ACVR1C: variants seen among roughly 807,000 people sequenced by gnomAD.
ACVR1C encodes the protein activin receptor type-1C.
ACVR1C carries 23 observed loss-of-function variants against 57.9 expected under a neutral mutation model. The observed-to-expected ratio is 0.40, with a 90% CI of 0.29 to 0.56. The LOEUF (loss-of-function observed/expected upper bound fraction) is 0.56. ACVR1C is among the 20% of genes least tolerant of loss of function. The pLI is 0.50. For missense variants in ACVR1C, 480 were observed against 607.9 expected (o/e 0.79, Z 2.21); for synonymous variants, 214 against 215.3 (o/e 0.99, Z 0.05).
At chr2:157,537,570 G>A (rs916775022) in intron 8 of ACVR1C, among the ~76,000 whole-genome samples, 1 of 151,882 alleles carries the variant, frequency 6.6e-6, no homozygotes, top group African/African-American at 2.4e-5. Context: ...GAAAAGGGTT[G>A]AGAAACATGA....
intron 2 of ACVR1C, among the ~76,000 whole-genome samples, chr2:157,566,753 T>C (rs1313882240): frequency 6.6e-6 from 1 of 151,158 alleles, no homozygotes; most frequent in Non-Finnish European, 1.5e-5. Context: ...CAGTCTGAGA[T>C]CAAACTGCAA....
At chr2:157,542,661 G>A in intron 6 of ACVR1C, 45 bp downstream of exon 6, 1 of 1,579,878 alleles carries the variant, frequency 6.3e-7, no homozygotes, top group Non-Finnish European at 8.6e-7. Flanking sequence ...CATGCTTATT[G>A]GGCACTCTCA....
intron 2 of ACVR1C, among the ~76,000 whole-genome samples, chr2:157,574,859 A>G (rs1573930189): frequency 6.6e-6 from 1 of 152,142 alleles, no homozygotes. Context: ...CTACAGTGAA[A>G]CCATCATCCT....
chr2:157,609,109 A>G (rs531561300), intron 1 of ACVR1C, among the ~76,000 whole-genome samples: 162 of 151,878 alleles, frequency 1.1e-3, no homozygotes, highest in Middle Eastern at 0.01. Context: ...ATTTATCTCT[A>G]TAAACTTCTC....
At chr2:157,542,994 A>T in intron 5 of ACVR1C, 132 bp from the exon 6 acceptor site, 2 of 847,486 alleles carry the variant, frequency 2.4e-6, no homozygotes, top group Non-Finnish European at 3.6e-6. Flanking sequence ...CACTATCTAA[A>T]TTATCTTGTT....
At chr2:157,611,256 A>C (rs916128720) in intron 1 of ACVR1C, among the ~76,000 whole-genome samples, 3 of 152,198 alleles carry the variant, frequency 2.0e-5, no homozygotes, top group African/African-American at 7.2e-5. Flanking sequence ...GGGTGCACGC[A>C]GTACTGTAGT....
intron 1 of ACVR1C, among the ~76,000 whole-genome samples, chr2:157,618,801 G>A (rs1269775187): frequency 2.6e-5 from 4 of 151,614 alleles, no homozygotes; most frequent in Non-Finnish European, 4.4e-5. Flanking sequence ...TATTACCAGG[G>A]ATAAAGTAGG....
At position 157,570,527 on chromosome 2, in the gene ACVR1C, A is replaced by C. The variant is rs1688492580; in HGVS notation, c.305-14195T>G. 2.9e-5 allele frequency among the ~76,000 whole-genome samples: 2 copies of C among 70,000 alleles called. 1 individual carries two copies. Among genetic ancestry groups the C allele is most frequent in the Non-Finnish European group, 5.8e-5 (2 of 34,296 alleles). The allele number at this position is 70,000 out of a possible 152,430, so 45.9% of individuals were successfully genotyped here. On this transcript the variant is annotated intron_variant, in intron 2 of 8. Transcript: ENST00000243349. The stretch of plus-strand genomic sequence containing the variant: ...CAACTTCAGCAAAGTCTCAGGATAC[A>C]AAATCAATGTACAAAAATCACAAGC...
intron 8 of ACVR1C, among the ~76,000 whole-genome samples, chr2:157,537,189 T>A (rs1222082163): frequency 6.6e-6 from 1 of 152,006 alleles, no homozygotes; most frequent in African/African-American, 2.4e-5. Flanking sequence ...TCTAAAAAAA[T>A]ACATATAGTA....
intron 2 of ACVR1C, 102 bp from the exon 3 acceptor site, chr2:157,556,434 G>A: frequency 6.8e-7 from 1 of 1,460,562 alleles, no homozygotes; most frequent in Non-Finnish European, 9.4e-7. Context: ...AGAATATTCA[G>A]CTACACAGTA....
At chr2:157,603,328 C>T (rs1682322426) in intron 1 of ACVR1C, among the ~76,000 whole-genome samples, 1 of 152,060 alleles carries the variant, frequency 6.6e-6, no homozygotes, top group African/African-American at 2.4e-5. Context: ...AGTGACTATC[C>T]CTGACTGGAG....
At chr2:157,594,376 AAT>A (rs1682032613) in intron 1 of ACVR1C, among the ~76,000 whole-genome samples, 1 of 147,800 alleles carries the variant, frequency 6.8e-6, no homozygotes, top group South Asian at 2.1e-4. Flanking sequence ...CACAATTCTC[AAT>A]ATAAGTGACT....
In ACVR1C at chr2:157,556,216, A is replaced by G. The variant is rs1288827729; in HGVS notation, c.421T>C (p.Cys141Arg). 9.3e-6 allele frequency: 15 copies of G among 1,613,986 alleles called. No individual in the cohort carries two copies. Among genetic ancestry groups the G allele is most frequent in the Admixed American group, 5.0e-5 (3 of 59,982 alleles). The change falls in exon 3 of 9, where the codon TGC (cysteine) becomes CGC (arginine). Residue 141 changes from cysteine to arginine, a missense_variant. By Grantham distance (180) the Cys-to-Arg change is radical (BLOSUM62 -3). Transcript: ENST00000243349. Reference sequence around the variant, plus strand: ...GGTCTCTTTTTCTTCCTGTAGGAGCACTGTCGACCCTGGCATGCCCATACT... The same window carrying G: ...GGTCTCTTTTTCTTCCTGTAGGAGCGCTGTCGACCCTGGCATGCCCATACT... Reference protein sequence around the residue: ...LTVWACQGRQCSYRKKKRPNV... With the variant: ...LTVWACQGRQRSYRKKKRPNV...
At chr2:157,558,288 C>A (rs1688150924) in intron 2 of ACVR1C, among the ~76,000 whole-genome samples, 1 of 152,226 alleles carries the variant, frequency 6.6e-6, no homozygotes, top group Admixed American at 6.5e-5. Context: ...AGCATCTAAA[C>A]AAATTGCAAT....
rs903277953 is a variant in ACVR1C at position 157,531,510 on chromosome 2, G to A, written c.*2408C>T. On this transcript the variant is annotated 3_prime_UTR_variant, in exon 9 of 9. Transcript: ENST00000243349. ...ACATAATGACAAGAAAAATGGAGAT[G>A]GTAAAAAATCCTCTCTTAAAAATTC... 6.6e-6 allele frequency: 1 copy of A among 151,566 alleles called. No individual in the cohort carries two copies. The highest frequency in any genetic ancestry group is 2.4e-5 in the African/African-American group (1 of 41,264). 9.4% of individuals were successfully genotyped at this position (151,566 alleles called of 1,614,324 possible).
chr2:157,539,242 T>C (rs1300362560), intron 7 of ACVR1C, among the ~76,000 whole-genome samples: 1 of 152,116 alleles, frequency 6.6e-6, no homozygotes, highest in Admixed American at 6.5e-5. Context: ...TAACGTTGGG[T>C]TTCTTACATT....
intron 1 of ACVR1C, among the ~76,000 whole-genome samples, chr2:157,593,117 C>A (rs1427884332): frequency 1.3e-5 from 2 of 152,042 alleles, no homozygotes; most frequent in Non-Finnish European, 2.9e-5. Context: ...ATCTGTTACC[C>A]ACATCAACTA....
chr2:157,542,656 T>C, intron 6 of ACVR1C, 50 bp downstream of exon 6: 3 of 1,574,952 alleles, frequency 1.9e-6, no homozygotes, highest in Non-Finnish European at 2.6e-6. Flanking sequence ...ACATTCATGC[T>C]TATTGGGCAC....
chr2:157,613,268 A>G (rs1682571610), intron 1 of ACVR1C, among the ~76,000 whole-genome samples: 1 of 151,986 alleles, frequency 6.6e-6, no homozygotes, highest in South Asian at 2.1e-4. Flanking sequence ...TCTCTTTGCA[A>G]TTTTGCTTCT....
Sources: allele counts gnomAD v4.1 joint callset (sites outside exome capture counted in the v4.1 genomes callset), GRCh38; gene constraint gnomAD v4.1.1; transcripts MANE v1.5; gene names NCBI Gene and HGNC (gene_info 2026-07-23, HGNC 2026-07-21).